Variants in RIMBP2 observed in about 807,000 individuals in gnomAD.
RIMBP2 encodes RIMS binding protein 2, also known as RIMS-binding protein 2.
Under a neutral mutation model 118.6 loss-of-function variants are expected in RIMBP2, and 48 were observed. The ratio of observed to expected loss-of-function variants is 0.40; its 90% confidence interval spans 0.32 to 0.51. The LOEUF is 0.51. RIMBP2 is among the 20% of genes least tolerant of loss of function. The probability of loss-of-function intolerance (pLI) is 0.41; values close to 1 mark genes in which losing one functional copy is unlikely to be tolerated. For missense variants in RIMBP2, 1,551 were observed against 1,768.3 expected (o/e 0.88, Z 2.20); for synonymous variants, 762 against 742.9 (o/e 1.03, Z -0.42).
chr12:130,591,982 G>C (rs1463553736), intron 2 of RIMBP2, among the ~76,000 whole-genome samples: 1 of 152,226 alleles, frequency 6.6e-6, no homozygotes, highest in Non-Finnish European at 1.5e-5. Flanking sequence ...CCTGGAGTCA[G>C]AGAGGCGTGG....
rs145452600 is a variant in RIMBP2, at chr12:130,412,735, C to T, written c.3473G>A (p.Arg1158Gln). 2.0e-5 allele frequency: 33 copies of T among 1,613,754 alleles called. No individual in the cohort carries two copies. Among genetic ancestry groups the T allele is most frequent in the Middle Eastern group, 1.6e-4 (1 of 6,084 alleles). The change falls in exon 19 of 23, where the codon CGG becomes CAG. Residue 1158 changes from arginine to glutamine, a missense_variant. Physicochemically the swap from Arg to Gln is conservative, Grantham distance 43. This residue lies in a region of RIMBP2 where 1,038 missense variants were observed against 1,125.1 expected (regional missense o/e 0.92). Transcript: ENST00000690449. ...DGFYRGETCA[R>Q]LGLIPCNMVS... ...CATGTTACAAGGAATAAGGCCAAGC[C>T]GGGCACAGGTTTCCCCACGGTAGAA...
intron 5 of RIMBP2, among the ~76,000 whole-genome samples, chr12:130,477,601 G>A (rs1049586674): frequency 3.3e-5 from 5 of 152,170 alleles, no homozygotes; most frequent in Non-Finnish European, 5.9e-5. Context: ...TCCCATCAGC[G>A]CTGGCTTAAT....
chr12:130,537,746 A>G (rs2054207335), intron 2 of RIMBP2, among the ~76,000 whole-genome samples: 1 of 152,224 alleles, frequency 6.6e-6, no homozygotes, highest in South Asian at 2.1e-4. Flanking sequence ...CATCAGCCCC[A>G]GAGAACACAG....
intron 2 of RIMBP2, among the ~76,000 whole-genome samples, chr12:130,572,468 G>A (rs1221114184): frequency 1.3e-5 from 2 of 152,010 alleles, no homozygotes; most frequent in East Asian, 3.9e-4. Flanking sequence ...GCCTGACGGT[G>A]GACTCATCCT....
chr12:130,566,625 G>A (rs897594206), intron 2 of RIMBP2, among the ~76,000 whole-genome samples: 1 of 152,332 alleles, frequency 6.6e-6, no homozygotes, highest in Middle Eastern at 3.4e-3. Context: ...CAAGTTGGAA[G>A]TGATCCATCA....
At chr12:130,706,921 T>C (rs1009502546) in intron 1 of RIMBP2, among the ~76,000 whole-genome samples, 6 of 152,128 alleles carry the variant, frequency 3.9e-5, no homozygotes, top group African/African-American at 1.4e-4. Context: ...CTCCGCCAGG[T>C]CTAGCTTGTG....
intron 1 of RIMBP2, among the ~76,000 whole-genome samples, chr12:130,682,041 C>T (rs2064812151): frequency 6.6e-6 from 1 of 152,218 alleles, no homozygotes; most frequent in South Asian, 2.1e-4. Context: ...ACAGATCTCA[C>T]TATCCCTCGT....
intron 2 of RIMBP2, among the ~76,000 whole-genome samples, chr12:130,597,846 T>C (rs2059644796): frequency 1.3e-5 from 2 of 152,224 alleles, no homozygotes; most frequent in Non-Finnish European, 2.9e-5. Flanking sequence ...GATGTCACCC[T>C]TACCACTTCT....
chr12:130,457,062 G>A (rs894101531), intron 6 of RIMBP2, among the ~76,000 whole-genome samples: 4 of 152,152 alleles, frequency 2.6e-5, no homozygotes, highest in African/African-American at 9.7e-5. Context: ...TGGGCTGTGC[G>A]TGCAGCCCGG....
intron 3 of RIMBP2, among the ~76,000 whole-genome samples, chr12:130,517,397 C>G (rs1449070623): frequency 6.6e-6 from 1 of 152,074 alleles, no homozygotes; most frequent in Non-Finnish European, 1.5e-5. Flanking sequence ...TATAAAGTAC[C>G]AAGTTTCAGG....
intron 6 of RIMBP2, chr12:130,470,249 G>A (rs1026015551): frequency 6.4e-6 from 1 of 155,804 alleles, no homozygotes; most frequent in Non-Finnish European, 1.4e-5. Flanking sequence ...GCCTCCCCAG[G>A]ATGGGTGTCA....
chr12:130,578,701 G>A lies in RIMBP2; in HGVS notation c.-217+49621C>T, dbSNP rs1033475690. On this transcript the variant is annotated intron_variant, in intron 2 of 22. Coordinates refer to ENST00000690449, the MANE Select transcript of RIMBP2 (RefSeq NM_001393629.1). This position sits in a 1 kb window ranked among gnomAD's most constrained non-coding sequence, Gnocchi z 4.1. ...CAGAGACTTCCCCTCGCTACCCAACGACCGAGTCCCTCACCCTGCCCCGTC... is the reference window on the plus strand; with the variant it reads ...CAGAGACTTCCCCTCGCTACCCAACAACCGAGTCCCTCACCCTGCCCCGTC... Among the ~76,000 whole-genome samples the A allele has an allele frequency of 6.6e-6, 1 of 152,064 alleles. No homozygotes were observed. Among genetic ancestry groups the A allele is most frequent in the African/African-American group, 2.4e-5 (1 of 41,386 alleles).
At chr12:130,504,165 A>T (rs2050080587) in intron 4 of RIMBP2, among the ~76,000 whole-genome samples, 1 of 152,220 alleles carries the variant, frequency 6.6e-6, no homozygotes, top group South Asian at 2.1e-4. Flanking sequence ...AAGGAAAACT[A>T]CATCCCGTTC....
At chr12:130,597,342 C>T in intron 2 of RIMBP2, among the ~76,000 whole-genome samples, 1 of 152,240 alleles carries the variant, frequency 6.6e-6, no homozygotes, top group Non-Finnish European at 1.5e-5. Context: ...CTCCTGGGTT[C>T]AAGTGATTCT....
rs1174794730 is a variant in RIMBP2 at position 130,623,934 on chromosome 12, C to T, written c.-217+4388G>A. ...TGGCAACTGGCTGGATAACACACAC[C>T]CATTACTGACTTCCTGCCCTGCCCT... On this transcript the variant is annotated intron_variant, in intron 2 of 22. Coordinates refer to ENST00000690449, the MANE Select transcript of RIMBP2 (RefSeq NM_001393629.1). This position sits in a 1 kb window ranked among gnomAD's most constrained non-coding sequence, Gnocchi z 4.1. Among the ~76,000 whole-genome samples, 1 of 152,186 alleles carries T rather than the reference C, an allele frequency of 6.6e-6. No homozygotes were observed. The highest frequency in any genetic ancestry group is 6.5e-5 in the Admixed American group (1 of 15,276).
rs2077369673 is a variant in RIMBP2, at chr12:130,434,568, A to G, written c.2253+166T>C. On this transcript the variant is annotated intron_variant, in intron 14 of 22. Coordinates refer to ENST00000690449, the MANE Select transcript of RIMBP2 (RefSeq NM_001393629.1). This position sits in a 1 kb window ranked among gnomAD's most constrained non-coding sequence, Gnocchi z 5.7. ...TGAGGGTATGTGACAGGCATTAAAT[A>G]TAAACTTCAGAAACCTAGCACGACT... Among the ~76,000 whole-genome samples the G allele has an allele frequency of 6.6e-6, 1 of 152,186 alleles. No individual in the cohort carries two copies. Among genetic ancestry groups the G allele is most frequent in the African/African-American group, 2.4e-5 (1 of 41,462 alleles).
Position 130,703,660 on chromosome 12 carries a change from C to G in RIMBP2, c.-352+12562G>C, listed in dbSNP as rs935241516. Among the ~76,000 whole-genome samples, 2 of 152,238 alleles carry G rather than the reference C, an allele frequency of 1.3e-5. No homozygotes were observed. The highest frequency in any genetic ancestry group is 4.8e-5 in the African/African-American group (2 of 41,458). The stretch of plus-strand genomic sequence containing the variant: ...CCTAACCCTGATTAGCGCTCTACAT[C>G]ACCCACCGCTCAGCCTCCCCTGGGG... On this transcript the variant is annotated intron_variant, in intron 1 of 22. Transcript: ENST00000690449. The surrounding 1 kb of genome is among the most constrained non-coding windows in gnomAD (Gnocchi z 5.7).
chr12:130,481,899 C>G (rs989346457), intron 4 of RIMBP2, among the ~76,000 whole-genome samples: 1 of 152,048 alleles, frequency 6.6e-6, no homozygotes, highest in African/African-American at 2.4e-5. Context: ...CGGTCTCTTT[C>G]CAAGAGCCTC....
At chr12:130,605,142 T>C (rs11061023) in intron 2 of RIMBP2, among the ~76,000 whole-genome samples, 124,680 of 151,742 alleles carry the variant, frequency 0.82, 51,313 homozygotes, top group South Asian at 0.87. Flanking sequence ...CAGAACTCAT[T>C]CCATTGCTCA....
Sources: gnomAD v4.1 joint callset for allele counts (sites outside exome capture counted in the v4.1 genomes callset) on GRCh38, gnomAD v4.1.1 for gene constraint, gnomAD v4.1.1 regional missense constraint, Gnocchi (gnomAD v3.1) non-coding constraint, MANE v1.5 for transcripts, NCBI Gene and HGNC (gene_info 2026-07-23, HGNC 2026-07-21) for gene names.